Variants in PRKDC observed in about 807,000 individuals in gnomAD.
The protein encoded by PRKDC is protein kinase, DNA-activated, catalytic subunit.
Under a neutral mutation model 486.9 loss-of-function variants are expected in PRKDC, and 82 were observed. The ratio of observed to expected loss-of-function variants is 0.17; its 90% CI spans 0.14 to 0.20. The LOEUF is 0.20. Ranked by LOEUF, PRKDC falls within the 10% of genes least tolerant of loss-of-function variation. The probability of loss-of-function intolerance (pLI) is 1.00; values close to 1 mark genes in which losing one functional copy is unlikely to be tolerated. For missense variants in PRKDC, 4,504 were observed against 5,038.2 expected (o/e 0.89, Z 3.21); for synonymous variants, 1,895 against 1,837.0 (o/e 1.03, Z -0.81).
At chr8:47,874,048 A>G (rs926349013) in intron 40 of PRKDC, among the ~76,000 whole-genome samples, 7 of 136,266 alleles carry the variant, frequency 5.1e-5, no homozygotes, top group Admixed American at 3.3e-4. Flanking sequence ...GGTTCACGTC[A>G]TTCTCCTGCC....
chr8:47,952,867 C>T (rs1055350515), intron 7 of PRKDC, among the ~76,000 whole-genome samples: 2 of 148,352 alleles, frequency 1.3e-5, no homozygotes, highest in Non-Finnish European at 3.0e-5. Context: ...AGGCCGGGTG[C>T]GGTGGCTCAT....
chr8:47,907,048 T>G (rs1327725247), intron 25 of PRKDC, among the ~76,000 whole-genome samples: 1 of 151,096 alleles, frequency 6.6e-6, no homozygotes, highest in Non-Finnish European at 1.5e-5. Context: ...ATACTGGTGT[T>G]TTTTTTTTGA....
intron 58 of PRKDC, among the ~76,000 whole-genome samples, chr8:47,836,116 A>C (rs192614109): frequency 6.6e-6 from 1 of 151,902 alleles, no homozygotes; most frequent in African/African-American, 2.4e-5. Context: ...ATAAATCCCC[A>C]TTCCTCCTCC....
At chr8:47,884,104 T>A (rs2089280244) in intron 36 of PRKDC, among the ~76,000 whole-genome samples, 2 of 152,250 alleles carry the variant, frequency 1.3e-5, no homozygotes, top group South Asian at 4.1e-4. Flanking sequence ...GGTTAGTACT[T>A]AACTTTCCTC....
rs906315004 is a variant in PRKDC, at chr8:47,794,628, T to A, written c.10459-127A>T. On this transcript the variant is annotated intron_variant, in intron 73 of 85. Transcript: ENST00000314191. ...ACGCAAGTACAAAACAAGTCTTCCA[T>A]CCCCTAGCTCTCTTCTGCTGCGGCA... 5 of 788,182 alleles carry A rather than the reference T, an allele frequency of 6.3e-6. No individual in the cohort carries two copies. In the Admixed American group the frequency reaches 8.9e-5, roughly 14 times the overall value. The allele number at this position is 788,182 out of a possible 1,614,324, so 48.8% of individuals were successfully genotyped here.
At chr8:47,890,556 T>A in intron 31 of PRKDC, 76 bp from the exon 32 acceptor site, 2 of 1,155,136 alleles carry the variant, frequency 1.7e-6, no homozygotes, top group Non-Finnish European at 2.4e-6. Flanking sequence ...ATTGCTTCTG[T>A]AAGTATAGGC....
At chr8:47,901,419 A>G (rs1010737246) in intron 27 of PRKDC, among the ~76,000 whole-genome samples, 11 of 152,016 alleles carry the variant, frequency 7.2e-5, no homozygotes, top group African/African-American at 2.7e-4. Flanking sequence ...GGTTGCAGTG[A>G]GCCGAGATCG....
chr8:47,783,131 A>G, intron 78 of PRKDC: 1 of 159,662 alleles, frequency 6.3e-6, no homozygotes, highest in East Asian at 1.8e-4. Flanking sequence ...TACAAAAATT[A>G]GCCAGGCATG....
chr8:47,873,576 A>G (rs1366426881), intron 40 of PRKDC, among the ~76,000 whole-genome samples: 1 of 152,236 alleles, frequency 6.6e-6, no homozygotes, highest in Non-Finnish European at 1.5e-5. Context: ...TGTTTACTGC[A>G]GCACTGTTCA....
intron 76 of PRKDC, among the ~76,000 whole-genome samples, chr8:47,788,083 GA>G (rs1321651408): frequency 3.9e-5 from 6 of 152,214 alleles, no homozygotes; most frequent in African/African-American, 1.4e-4. Flanking sequence ...GAGGTTTAAT[GA>G]ATAAAAGTAA....
At chr8:47,799,886 G>A (rs903374528) in intron 71 of PRKDC, among the ~76,000 whole-genome samples, 4 of 152,176 alleles carry the variant, frequency 2.6e-5, no homozygotes, top group African/African-American at 9.7e-5. Flanking sequence ...AGAAAAGGCT[G>A]ATTTGTTCCA....
chr8:47,852,649 T>C (rs774569921), intron 52 of PRKDC, 24 bp downstream of exon 52: 3 of 1,391,168 alleles, frequency 2.2e-6, no homozygotes, highest in South Asian at 1.3e-5. Flanking sequence ...GAGGTATTTA[T>C]TGAAAATTGT....
intron 30 of PRKDC, among the ~76,000 whole-genome samples, chr8:47,896,617 A>G (rs940439798): frequency 3.3e-5 from 5 of 150,730 alleles, no homozygotes; most frequent in African/African-American, 4.9e-5. Flanking sequence ...ACTGCAGTCC[A>G]GCCTGGGCAA....
At chr8:47,821,290 G>C (rs1441417532) in intron 65 of PRKDC, among the ~76,000 whole-genome samples, 1 of 152,180 alleles carries the variant, frequency 6.6e-6, no homozygotes, top group African/African-American at 2.4e-5. Context: ...CAGGAGCTGG[G>C]AGGCCTGTGT....
At position 47,800,964 on chromosome 8, in the gene PRKDC, G is replaced by A. The variant is rs2087094615; in HGVS notation, c.9945C>T (p.Tyr3315=). The change falls in exon 71 of 86, where the codon TAC becomes TAT. Residue 3315 remains tyrosine, a synonymous_variant. Transcript: ENST00000314191. ...GGAAAGCCAGAATATTTTTGCTTAA[G>A]TAGCTTGACACGTTGTTCTCATCTG... ...SLLDENNVSS[Y]LSKNILAFRD... is the part of the protein sequence containing the mutation. 1.9e-6 allele frequency: 3 copies of A among 1,613,884 alleles called. No individual in the cohort carries two copies. Among genetic ancestry groups the A allele is most frequent in the Non-Finnish European group, 2.5e-6 (3 of 1,179,872 alleles).
chr8:47,931,887 T>C (rs1157711560), intron 16 of PRKDC, among the ~76,000 whole-genome samples: 1 of 152,158 alleles, frequency 6.6e-6, no homozygotes, highest in Non-Finnish European at 1.5e-5. Context: ...ACTTAAGCCA[T>C]GACTTATCCT....
intron 3 of PRKDC, among the ~76,000 whole-genome samples, chr8:47,956,460 G>A (rs1440102375): frequency 1.3e-5 from 2 of 151,508 alleles, no homozygotes; most frequent in African/African-American, 4.9e-5. Flanking sequence ...TTTGGGAGGC[G>A]GAGACGGGAA....
intron 42 of PRKDC, 81 bp downstream of exon 42, chr8:47,863,318 C>A (rs907909712): frequency 1.9e-5 from 22 of 1,147,044 alleles, no homozygotes; most frequent in Non-Finnish European, 2.3e-5. Context: ...AATATTTATT[C>A]ACACTATATA....
At chr8:47,900,736 C>T (rs1360328210) in intron 27 of PRKDC, among the ~76,000 whole-genome samples, 2 of 151,854 alleles carry the variant, frequency 1.3e-5, no homozygotes, top group Non-Finnish European at 2.9e-5. Flanking sequence ...GTAGCCCCAG[C>T]TACTCGGGAG....
Sources: allele counts gnomAD v4.1 joint callset (sites outside exome capture counted in the v4.1 genomes callset), GRCh38; gene constraint gnomAD v4.1.1; transcripts MANE v1.5; gene names NCBI Gene and HGNC (gene_info 2026-07-23, HGNC 2026-07-21).